Variants in SMAD4 observed in about 807,000 individuals in gnomAD.
SMAD4 encodes MAD homolog 4.
Under a neutral mutation model 63.2 loss-of-function variants are expected in SMAD4, and 7 were observed. That is an observed-to-expected ratio of 0.11 (90% confidence interval 0.06 to 0.21). The LOEUF (loss-of-function observed/expected upper bound fraction) is 0.21, where lower values mean the gene tolerates loss of function less well. SMAD4 is among the 10% of genes least tolerant of loss of function. SMAD4 has a pLI of 1.00. For synonymous variants in SMAD4, 215 were observed against 235.4 expected (o/e 0.91, Z 0.79); for missense variants, 312 against 693.8 (o/e 0.45, Z 6.18).
At position 51,078,921 on chromosome 18, in the gene SMAD4, A is replaced by ATTT; in HGVS notation, c.*454_*455insTTT. ...AGTTGTTATTGTTGAACATACTTCA[A>ATTT]AAATAATGTGCCATGTGGGTGAGTT... On this transcript the variant is annotated 3_prime_UTR_variant, in exon 12 of 12. Coordinates refer to ENST00000342988, the MANE Select transcript of SMAD4 (RefSeq NM_005359.6). 8.4e-6 allele frequency: 2 copies of ATTT among 237,228 alleles called. No homozygotes were observed. Among genetic ancestry groups the ATTT allele is most frequent in the Non-Finnish European group, 1.7e-5 (2 of 120,348 alleles). The allele number at this position is 237,228 out of a possible 1,614,324, so 14.7% of individuals were successfully genotyped here.
intron 7 of SMAD4, among the ~76,000 whole-genome samples, chr18:51,058,742 T>G (rs561721180): frequency 4.5e-4 from 69 of 152,342 alleles, no homozygotes; most frequent in African/African-American, 1.6e-3. Context: ...GTATATGTTC[T>G]TAGATCTCAT....
intron 10 of SMAD4, among the ~76,000 whole-genome samples, chr18:51,075,503 C>T (rs918943751): frequency 6.6e-6 from 1 of 152,178 alleles, no homozygotes; most frequent in African/African-American, 2.4e-5. Context: ...GGACATTGAG[C>T]AGCCTTGCTT....
At chr18:51,047,655 C>T (rs1455042072) in intron 2 of SMAD4, among the ~76,000 whole-genome samples, 1 of 151,260 alleles carries the variant, frequency 6.6e-6, no homozygotes, top group Non-Finnish European at 1.5e-5. Flanking sequence ...GTCACCCAGG[C>T]TGGAGTACAG....
At chr18:51,037,078 G>C (rs1326920427) in intron 1 of SMAD4, among the ~76,000 whole-genome samples, 1 of 152,178 alleles carries the variant, frequency 6.6e-6, no homozygotes, top group Non-Finnish European at 1.5e-5. Context: ...CAGCTTCTTG[G>C]GAGGCTGAGG....
At position 51,058,320 on chromosome 18, in the gene SMAD4, A is replaced by G; in HGVS notation, c.788-20A>G. 1 of 1,609,592 alleles carries G rather than the reference A, an allele frequency of 6.2e-7. No homozygotes were observed. The highest frequency in any genetic ancestry group is 1.1e-5 in the South Asian group (1 of 91,058). On this transcript the variant is annotated intron_variant, in intron 6 of 11. Transcript: ENST00000342988. The stretch of plus-strand genomic sequence containing the variant: ...AGCCTTTATAAAAGCAAATTAACCC[A>G]TGTGGGCCTTAATTTTTAGACAGCA...
At chr18:51,060,034 T>C in intron 8 of SMAD4, 118 bp downstream of exon 8, 2 of 762,526 alleles carry the variant, frequency 2.6e-6, no homozygotes, top group South Asian at 2.8e-5. Context: ...ACAATACTCA[T>C]CATGACATGA....
intron 10 of SMAD4, among the ~76,000 whole-genome samples, chr18:51,069,327 C>A (rs1910254780): frequency 6.6e-6 from 1 of 152,090 alleles, no homozygotes; most frequent in Non-Finnish European, 1.5e-5. Flanking sequence ...GTTGGCCAGG[C>A]TGGTCTGGAA....
chr18:51,071,408 CT>C (rs1231432883), intron 10 of SMAD4, among the ~76,000 whole-genome samples: 1 of 152,044 alleles, frequency 6.6e-6, no homozygotes, highest in Admixed American at 6.6e-5. Flanking sequence ...TCTAAGTTGA[CT>C]TTTTTTCCTG....
chr18:51,040,120 C>T (rs1233300494), intron 1 of SMAD4, among the ~76,000 whole-genome samples: 1 of 152,064 alleles, frequency 6.6e-6, no homozygotes, highest in Non-Finnish European at 1.5e-5. Flanking sequence ...TTTTTCTCCT[C>T]CCCTAGTTAA....
chr18:51,041,130 C>T (rs1438465227), intron 1 of SMAD4, among the ~76,000 whole-genome samples: 5 of 152,090 alleles, frequency 3.3e-5, no homozygotes, highest in African/African-American at 1.2e-4. Context: ...TGTTTCCTAA[C>T]TGGTTTTCTA....
At chr18:51,038,296 C>A (rs1402166680) in intron 1 of SMAD4, among the ~76,000 whole-genome samples, 1 of 151,430 alleles carries the variant, frequency 6.6e-6, no homozygotes, top group African/African-American at 2.4e-5. Flanking sequence ...CTGGGAAGAT[C>A]TGTGTAACTC....
Position 51,083,663 on chromosome 18 carries a change from A to T in SMAD4, c.*5196A>T, listed in dbSNP as rs74878872. 153 of 227,412 alleles carry T rather than the reference A, an allele frequency of 6.7e-4. 1 individual carries two copies. The East Asian group carries it at 9.0e-3, about 13-fold the overall frequency. The allele number at this position is 227,412 out of a possible 1,614,324, so 14.1% of individuals were successfully genotyped here. ...ACTCTCTAGTTTGCCCTCTGCCACA[A>T]ATTTGATGTGTGACCTTTGGGCAAG... On this transcript the variant is annotated 3_prime_UTR_variant, in exon 12 of 12. Transcript: ENST00000342988.
At chr18:51,038,743 A>G (rs530838464) in intron 1 of SMAD4, among the ~76,000 whole-genome samples, 12 of 152,356 alleles carry the variant, frequency 7.9e-5, no homozygotes, top group South Asian at 2.1e-4. Context: ...TGTTTTTCAT[A>G]AGATGTTTAT....
intron 1 of SMAD4, among the ~76,000 whole-genome samples, chr18:51,033,186 ATTTTTTTTTT>A (rs34008927): frequency 3.9e-3 from 453 of 117,320 alleles, no homozygotes; most frequent in Admixed American, 8.2e-3. Context: ...ATAACACAGC[ATTTTTTTTTT>A]TTTTTTTTTT....
At chr18:51,061,289 T>C (rs1322438862) in intron 8 of SMAD4, among the ~76,000 whole-genome samples, 2 of 152,222 alleles carry the variant, frequency 1.3e-5, no homozygotes, top group Non-Finnish European at 2.9e-5. Flanking sequence ...TGCTGTAAAA[T>C]ATTAGACCTT....
intron 10 of SMAD4, among the ~76,000 whole-genome samples, chr18:51,068,991 GTTAT>G (rs977912808): frequency 6.6e-6 from 1 of 152,042 alleles, no homozygotes; most frequent in Admixed American, 6.5e-5. Context: ...CATGATATTT[GTTAT>G]TTGTTTATAT....
At position 51,071,191 on chromosome 18, in the gene SMAD4, T is replaced by C. The variant is rs370033582; in HGVS notation, c.1308+4004T>C. 2.9e-3 allele frequency among the ~76,000 whole-genome samples: 435 copies of C among 152,144 alleles called. 4 individuals carry two copies. Among genetic ancestry groups the C allele is most frequent in the African/African-American group, 0.01 (424 of 41,504 alleles). ...TTCACAGGAGATGATATTATTGGGG[T>C]AAATTGTATGTAGATAGCATGCACC... On this transcript the variant is annotated intron_variant, in intron 10 of 11. Coordinates refer to ENST00000342988, the MANE Select transcript of SMAD4 (RefSeq NM_005359.6).
chr18:51,080,274 A>G lies in SMAD4; in HGVS notation c.*1807A>G. 1.3e-5 allele frequency: 3 copies of G among 232,218 alleles called. No homozygotes were observed. Among genetic ancestry groups the G allele is most frequent in the Non-Finnish European group, 2.6e-5 (3 of 117,438 alleles). The allele number at this position is 232,218 out of a possible 1,614,324, so 14.4% of individuals were successfully genotyped here. ...AAACATAGATCTTGATCCAAGCTAC[A>G]TGACTTTTGTCTTTAAATAACTTAT... On this transcript the variant is annotated 3_prime_UTR_variant, in exon 12 of 12. Transcript: ENST00000342988.
At chr18:51,066,078 G>A (rs1360560471) in intron 9 of SMAD4, among the ~76,000 whole-genome samples, 2 of 152,070 alleles carry the variant, frequency 1.3e-5, no homozygotes, top group Non-Finnish European at 2.9e-5. Context: ...GAGGCTGGGT[G>A]CGGTGGCTCA....
Sources: allele counts gnomAD v4.1 joint callset (sites outside exome capture counted in the v4.1 genomes callset), GRCh38; gene constraint gnomAD v4.1.1; transcripts MANE v1.5; gene names NCBI Gene and HGNC (gene_info 2026-07-23, HGNC 2026-07-21).